The following CFHR5 variants were observed in gnomAD, a reference collection of about 807,000 sequenced individuals.
CFHR5 encodes the protein complement factor H-related protein 5.
A neutral mutation model predicts 62.9 loss-of-function variants in CFHR5; 73 were observed. The observed-to-expected ratio is 1.16, with a 90% CI of 0.96 to 1.41. The LOEUF is 1.41. CFHR5 is among the 40% of genes most tolerant of loss of function. The probability of loss-of-function intolerance (pLI) is 0.00; values close to 1 mark genes in which losing one functional copy is unlikely to be tolerated. For missense variants in CFHR5, 779 were observed against 679.9 expected (o/e 1.15, Z -1.62); for synonymous variants, 249 against 227.2 (o/e 1.10, Z -0.86).
intron 3 of CFHR5, among the ~76,000 whole-genome samples, chr1:196,988,697 C>A (rs980598787): frequency 2.0e-5 from 3 of 152,136 alleles, no homozygotes; most frequent in African/African-American, 7.2e-5. Context: ...GTTGAACCAG[C>A]CTTGCATCCC....
chr1:196,992,065 G>A (rs766597580), intron 3 of CFHR5, among the ~76,000 whole-genome samples: 1 of 152,212 alleles, frequency 6.6e-6, no homozygotes, highest in Non-Finnish European at 1.5e-5. Context: ...TTTTCCAGCT[G>A]CTTTGTTTAC....
intron 9 of CFHR5, among the ~76,000 whole-genome samples, chr1:197,005,836 A>T (rs1269289757): frequency 6.6e-6 from 1 of 151,984 alleles, no homozygotes; most frequent in African/African-American, 2.4e-5. Flanking sequence ...GTAACAAATT[A>T]CCCCAATGCC....
At chr1:197,002,149 A>C (rs1654170246) in intron 7 of CFHR5, among the ~76,000 whole-genome samples, 1 of 152,148 alleles carries the variant, frequency 6.6e-6, no homozygotes, top group Non-Finnish European at 1.5e-5. Flanking sequence ...TTTTTGAATC[A>C]TATGGGTTAG....
At chr1:196,979,149 G>A (rs1653471070) in intron 1 of CFHR5, among the ~76,000 whole-genome samples, 1 of 152,090 alleles carries the variant, frequency 6.6e-6, no homozygotes. Context: ...AAGCTGGAAA[G>A]AATATGACAA....
At chr1:196,995,558 A>G (rs1478256316) in intron 4 of CFHR5, among the ~76,000 whole-genome samples, 159 bp from the exon 5 acceptor site, 1 of 152,168 alleles carries the variant, frequency 6.6e-6, no homozygotes, top group Non-Finnish European at 1.5e-5. Context: ...GAGGAAACGA[A>G]TGCAGTCAAT....
rs961046980 is a variant in CFHR5, at chr1:196,994,469, A to C, written c.607+213A>C. On this transcript the variant is annotated intron_variant, in intron 4 of 9. Coordinates refer to ENST00000256785, the MANE Select transcript of CFHR5 (RefSeq NM_030787.4). The stretch of plus-strand genomic sequence containing the variant: ...CTACTTCTGTGTTTTACAATACATA[A>C]TAGGATTTTATAGGTCAAAATATAG... 1.5e-4 allele frequency among the ~76,000 whole-genome samples: 23 copies of C among 152,192 alleles called. 1 individual carries two copies. The highest frequency in any genetic ancestry group is 5.6e-4 in the African/African-American group (23 of 41,440).
intron 9 of CFHR5, among the ~76,000 whole-genome samples, chr1:197,006,856 A>G (rs1252273070): frequency 2.0e-5 from 3 of 151,804 alleles, no homozygotes; most frequent in Admixed American, 2.0e-4. Flanking sequence ...TATTTTTTCA[A>G]GACAAAGTCT....
At chr1:196,987,550 G>T (rs1653725972) in intron 3 of CFHR5, among the ~76,000 whole-genome samples, 1 of 152,174 alleles carries the variant, frequency 6.6e-6, no homozygotes, top group Non-Finnish European at 1.5e-5. Flanking sequence ...TAAGGTGTAA[G>T]TAAGGGATCC....
At position 196,983,018 on chromosome 1, in the gene CFHR5, A is replaced by C; in HGVS notation, c.192A>C (p.Lys64Asn). 6.2e-7 allele frequency: 1 copy of C among 1,614,074 alleles called. No individual in the cohort carries two copies. Among genetic ancestry groups the C allele is most frequent in the Non-Finnish European group, 8.5e-7 (1 of 1,180,022 alleles). The stretch of plus-strand genomic sequence containing the variant: ...AATATAATTTTGTGTCTCCTTCAAA[A>C]TCCTTTTGGACTCGCATAACATGCA... ...SCEYNFVSPS[K>N]SFWTRITCTE... The change falls in exon 2 of 10, where the codon AAA becomes AAC. Residue 64 changes from lysine to asparagine, a missense_variant. Lys to Asn is a moderately conservative substitution (Grantham distance 94). Transcript: ENST00000256785.
chr1:196,995,414 A>G (rs758185757), intron 4 of CFHR5, among the ~76,000 whole-genome samples: 2 of 152,166 alleles, frequency 1.3e-5, no homozygotes, highest in Non-Finnish European at 2.9e-5. Context: ...ACTTTCAATT[A>G]CTTCACAAAA....
intron 7 of CFHR5, among the ~76,000 whole-genome samples, chr1:196,999,712 T>C (rs1249002518): frequency 2.1e-5 from 1 of 48,358 alleles, no homozygotes; most frequent in South Asian, 1.0e-3. Context: ...TATATATATA[T>C]ATATATATAT....
chr1:196,998,856 A>C (rs772251226), intron 7 of CFHR5, among the ~76,000 whole-genome samples: 1 of 151,994 alleles, frequency 6.6e-6, no homozygotes, highest in Non-Finnish European at 1.5e-5. Context: ...AATAAACCAG[A>C]ACTAGAGAAA....
intron 9 of CFHR5, among the ~76,000 whole-genome samples, chr1:197,007,776 G>GTATAATATATTATATTATACATTATA (rs1399088372): frequency 4.1e-5 from 6 of 145,512 alleles, no homozygotes; most frequent in Admixed American, 1.4e-4. Flanking sequence ...AATATGTTAT[G>GTATAATATATTATATTATACATTATA]TATAATATAT....
upstream of CFHR5, among the ~76,000 whole-genome samples, chr1:196,976,482 ATCCAGGGTTCAACT>A (rs890393935): frequency 6.6e-6 from 1 of 152,140 alleles, no homozygotes; most frequent in Non-Finnish European, 1.5e-5. Flanking sequence ...CTGCCTGCCC[ATCCAGGGTTCAACT>A]TCTGAGCCAC....
At chr1:196,989,113 G>C (rs1020885675) in intron 3 of CFHR5, among the ~76,000 whole-genome samples, 1 of 152,032 alleles carries the variant, frequency 6.6e-6, no homozygotes, top group Non-Finnish European at 1.5e-5. Context: ...TGTATGTGTC[G>C]AGGAATTTAT....
In CFHR5 at chr1:196,995,797, A is replaced by C; in HGVS notation, c.688A>C (p.Asn230His). ...KEIRKEEYGH[N>H]EVVEYDCNPN... ...GATAAGAAAAGAGGAATATGGACACAATGAAGTAGTGGAATATGATTGCAA... is the reference window on the plus strand; with the variant it reads ...GATAAGAAAAGAGGAATATGGACACCATGAAGTAGTGGAATATGATTGCAA... The change falls in exon 5 of 10, where the codon AAT becomes CAT. Residue 230 changes from asparagine (N) to histidine (H), a missense_variant. Transcript: ENST00000256785. The C allele has an allele frequency of 6.2e-7, 1 of 1,612,608 alleles. No homozygotes were observed. The highest frequency in any genetic ancestry group is 8.5e-7 in the Non-Finnish European group (1 of 1,178,738).
chr1:196,986,759 A>G (rs1653693466), intron 3 of CFHR5, among the ~76,000 whole-genome samples: 1 of 152,124 alleles, frequency 6.6e-6, no homozygotes, highest in African/African-American at 2.4e-5. Flanking sequence ...TTCTTAATCC[A>G]GTCTATCACT....
chr1:196,989,317 C>T (rs1245260818), intron 3 of CFHR5, among the ~76,000 whole-genome samples: 1 of 152,052 alleles, frequency 6.6e-6, no homozygotes, highest in African/African-American at 2.4e-5. Context: ...TTTCAAAAAA[C>T]CAGCTCCTGG....
At chr1:196,999,725 A>G (rs1399691823) in intron 7 of CFHR5, among the ~76,000 whole-genome samples, 7 of 70,590 alleles carry the variant, frequency 9.9e-5, no homozygotes, top group African/African-American at 1.3e-4. Context: ...ATATATATAC[A>G]CACACACACA....
Sources: allele counts gnomAD v4.1 joint callset (sites outside exome capture counted in the v4.1 genomes callset), GRCh38; gene constraint gnomAD v4.1.1; transcripts MANE v1.5; gene names NCBI Gene and HGNC (gene_info 2026-07-23, HGNC 2026-07-21).